Variants in ANO10 observed in about 807,000 individuals in gnomAD.
ANO10 encodes the protein anoctamin 10.
Under a neutral mutation model 74.7 loss-of-function variants are expected in ANO10, and 77 were observed. That is an observed-to-expected ratio of 1.03 (90% CI 0.86 to 1.25). ANO10 has a LOEUF of 1.25. ANO10 is among the 50% of genes most tolerant of loss of function. ANO10 has a pLI of 0.00. For missense variants in ANO10, 721 were observed against 778.1 expected, an observed-to-expected ratio of 0.93 and a Z score of 0.87; for synonymous variants, 279 against 284.9, an observed-to-expected ratio of 0.98 and a Z score of 0.21.
At chr3:43,411,676 C>T (rs1559519595) in intron 12 of ANO10, among the ~76,000 whole-genome samples, 1 of 152,124 alleles carries the variant, frequency 6.6e-6, no homozygotes, top group Non-Finnish European at 1.5e-5. Flanking sequence ...GTGCTTACAA[C>T]AATGGAAAAC....
chr3:43,660,793 A>G (rs929135585), intron 1 of ANO10, among the ~76,000 whole-genome samples: 2 of 152,162 alleles, frequency 1.3e-5, no homozygotes, highest in African/African-American at 4.8e-5. Context: ...TGTCTCTACT[A>G]AAACTACAAA....
intron 11 of ANO10, among the ~76,000 whole-genome samples, chr3:43,495,726 A>G (rs553851200): frequency 6.6e-6 from 1 of 151,634 alleles, no homozygotes; most frequent in Non-Finnish European, 1.5e-5. Context: ...TTTGAGATGG[A>G]GTCTCACTCT....
intron 4 of ANO10, among the ~76,000 whole-genome samples, chr3:43,596,451 T>C (rs1470523838): frequency 6.6e-6 from 1 of 151,896 alleles, no homozygotes; most frequent in African/African-American, 2.4e-5. Flanking sequence ...CCCTCAGAAA[T>C]AATGCCACAC....
At chr3:43,552,888 G>A (rs2079551753) in intron 10 of ANO10, among the ~76,000 whole-genome samples, 1 of 151,900 alleles carries the variant, frequency 6.6e-6, no homozygotes. Flanking sequence ...CTGCCTCCCA[G>A]GTTCAAGCAA....
chr3:43,667,612 G>A (rs1294242788), intron 1 of ANO10, among the ~76,000 whole-genome samples: 1 of 152,040 alleles, frequency 6.6e-6, no homozygotes, highest in Non-Finnish European at 1.5e-5. Context: ...TGCACCCTAA[G>A]TTCCCAAAGC....
chr3:43,475,770 T>C (rs1417976726), intron 11 of ANO10, among the ~76,000 whole-genome samples: 1 of 152,088 alleles, frequency 6.6e-6, no homozygotes, highest in Non-Finnish European at 1.5e-5. Flanking sequence ...GGCAAAGTTT[T>C]TTTTATTTTT....
chr3:43,406,312 T>C (rs973959712), intron 12 of ANO10, among the ~76,000 whole-genome samples: 1 of 152,194 alleles, frequency 6.6e-6, no homozygotes, highest in Admixed American at 6.5e-5. Flanking sequence ...AAGGGAAATA[T>C]CAAAAGCACA....
chr3:43,373,926 G>A (rs1051096081), intron 12 of ANO10, among the ~76,000 whole-genome samples: 1 of 152,208 alleles, frequency 6.6e-6, no homozygotes, highest in Non-Finnish European at 1.5e-5. Context: ...CCCTCATCAG[G>A]GCTGCTCATC....
chr3:43,382,792 C>G (rs575760946), intron 12 of ANO10, among the ~76,000 whole-genome samples: 5 of 152,200 alleles, frequency 3.3e-5, no homozygotes, highest in African/African-American at 1.2e-4. Flanking sequence ...AGGTAAATTC[C>G]TGGAAATATA....
intron 12 of ANO10, among the ~76,000 whole-genome samples, chr3:43,392,561 G>A (rs890669690): frequency 1.1e-4 from 16 of 152,166 alleles, no homozygotes; most frequent in Admixed American, 4.6e-4. Flanking sequence ...GGCTATTTAG[G>A]TTGTTTTTAA....
At chr3:43,564,849 A>G (rs563195634) in intron 8 of ANO10, among the ~76,000 whole-genome samples, 1 of 152,236 alleles carries the variant, frequency 6.6e-6, no homozygotes, top group South Asian at 2.1e-4. Flanking sequence ...CTGTTTTTTT[A>G]AGCGGTCCTC....
At chr3:43,573,339 A>T (rs1346374435) in intron 7 of ANO10, among the ~76,000 whole-genome samples, 1 of 152,058 alleles carries the variant, frequency 6.6e-6, no homozygotes, top group African/African-American at 2.4e-5. Context: ...ATCTCTTATG[A>T]CAGCTTTTCA....
At chr3:43,437,591 T>C (rs2093088724) in intron 11 of ANO10, among the ~76,000 whole-genome samples, 1 of 152,154 alleles carries the variant, frequency 6.6e-6, no homozygotes, top group Non-Finnish European at 1.5e-5. Context: ...TGTCAGCTTG[T>C]AGCAGCACCA....
chr3:43,561,087 A>T lies in ANO10; in HGVS notation c.1476+133T>A, dbSNP rs1453430231. On this transcript the variant is annotated intron_variant, in intron 9 of 12. Coordinates refer to ENST00000292246, the MANE Select transcript of ANO10 (RefSeq NM_018075.5). Reference sequence around the variant, plus strand: ...CCCTTTCACTTTAAAGTGGTTCATGATGAGGAAACTGACTGGAAAGCACTT... The same window carrying T: ...CCCTTTCACTTTAAAGTGGTTCATGTTGAGGAAACTGACTGGAAAGCACTT... The T allele has an allele frequency of 7.8e-6, 8 of 1,028,756 alleles. No homozygotes were observed. The Admixed American group carries it at 1.5e-4, about 19-fold the overall frequency. The allele number at this position is 1,028,756 out of a possible 1,614,324, so 63.7% of individuals were successfully genotyped here. A position where few individuals can be genotyped will look rare whatever the true frequency, so the allele number is the denominator to read the frequency against.
chr3:43,620,922 G>A (rs1401090355), intron 1 of ANO10, among the ~76,000 whole-genome samples: 1 of 152,214 alleles, frequency 6.6e-6, no homozygotes. Flanking sequence ...CAGAACAGAT[G>A]ATTTACTTTC....
chr3:43,440,001 G>A (rs1000360833), intron 11 of ANO10, among the ~76,000 whole-genome samples: 5 of 152,022 alleles, frequency 3.3e-5, no homozygotes, highest in African/African-American at 1.2e-4. Flanking sequence ...GATATTTTAT[G>A]TAATCCCCAT....
intron 7 of ANO10, among the ~76,000 whole-genome samples, chr3:43,570,435 A>C (rs1173843642): frequency 1.3e-5 from 2 of 151,352 alleles, no homozygotes; most frequent in Non-Finnish European, 3.0e-5. Context: ...TTCAAACTAT[A>C]CTACAAGGCT....
intron 4 of ANO10, among the ~76,000 whole-genome samples, chr3:43,588,689 C>T (rs2081588017): frequency 6.6e-6 from 1 of 151,894 alleles, no homozygotes; most frequent in Non-Finnish European, 1.5e-5. Flanking sequence ...AACATTCTAA[C>T]AGATGCAAAC....
At chr3:43,530,463 A>T (rs1422553838) in intron 11 of ANO10, among the ~76,000 whole-genome samples, 2 of 149,566 alleles carry the variant, frequency 1.3e-5, no homozygotes, top group Non-Finnish European at 3.0e-5. Context: ...GTATATATAA[A>T]CTATAAAGGT....
Sources: gnomAD v4.1 joint callset for allele counts (sites outside exome capture counted in the v4.1 genomes callset) on GRCh38, gnomAD v4.1.1 for gene constraint, MANE v1.5 for transcripts, NCBI Gene and HGNC (gene_info 2026-07-23, HGNC 2026-07-21) for gene names.